FHL1: variants seen among roughly 807,000 people sequenced by gnomAD.
FHL1 encodes four and a half LIM domains 1, also known as four and a half LIM domains protein 1.
Under a neutral mutation model 20.3 loss-of-function variants are expected in FHL1, and 1 was observed. The observed-to-expected ratio is 0.05, with a 90% CI of 0.02 to 0.23. The LOEUF (loss-of-function observed/expected upper bound fraction) is 0.23, where lower values mean the gene tolerates loss of function less well. FHL1 is among the 10% of genes least tolerant of loss of function. The pLI is 1.00. For missense variants in FHL1, 177 were observed against 234.0 expected (o/e 0.76, Z 1.59); for synonymous variants, 82 against 88.9 (o/e 0.92, Z 0.44).
chrX:136,181,797 T>C (rs1238102994), intron 2 of FHL1, among the ~76,000 whole-genome samples: 1 of 112,374 alleles, frequency 8.9e-6, no homozygotes, highest in Non-Finnish European at 1.9e-5. Flanking sequence ...TTTATCCCCA[T>C]CATCAACAGG....
intron 2 of FHL1, among the ~76,000 whole-genome samples, chrX:136,186,019 A>G (rs187900132): frequency 3.2e-4 from 36 of 111,906 alleles, no homozygotes; most frequent in Admixed American, 2.6e-3. Flanking sequence ...GACAGCATGA[A>G]CATTTGAAAC....
upstream of FHL1, chrX:136,168,236 C>G (rs750158962): frequency 2.0e-4 from 22 of 111,833 alleles, 1 homozygote; most frequent in Admixed American, 1.9e-3. Flanking sequence ...GAGCTGTGCC[C>G]TGCTGCATTC....
At chrX:136,174,662 C>CT (rs1243420782) in intron 2 of FHL1, among the ~76,000 whole-genome samples, 1 of 111,922 alleles carries the variant, frequency 8.9e-6, no homozygotes, top group Non-Finnish European at 1.9e-5. Context: ...TCTGGATCTA[C>CT]TTTGAGTTGG....
At chrX:136,167,847 A>G (rs1464293118), upstream of FHL1, 1 of 111,743 alleles carries the variant, frequency 8.9e-6, no homozygotes, top group East Asian at 2.8e-4. Flanking sequence ...ATCTCTAGGA[A>G]ACATCAATTC....
At chrX:136,177,796 TA>T (rs1157699120) in intron 2 of FHL1, among the ~76,000 whole-genome samples, 1 of 112,228 alleles carries the variant, frequency 8.9e-6, no homozygotes, top group African/African-American at 3.2e-5. Flanking sequence ...TTGAACATCA[TA>T]AAAGTTCAGT....
At position 136,207,966 on chromosome X, in the gene FHL1, G is replaced by A. The variant is rs747714932; in HGVS notation, c.549+5G>A. 3.5e-5 allele frequency: 42 copies of A among 1,211,009 alleles called. No homozygotes were observed. The highest frequency in any genetic ancestry group is 4.7e-5 in the Non-Finnish European group (42 of 895,228). Reference sequence around the variant, plus strand: ...CATTGCGTGAAGTGCAACAAGGTATGCTTTCAAGGGAGTTCTGCATTGACC... The same window carrying A: ...CATTGCGTGAAGTGCAACAAGGTATACTTTCAAGGGAGTTCTGCATTGACC... On this transcript the variant is annotated splice_donor_5th_base_variant and intron_variant, in intron 4 of 5. Coordinates refer to ENST00000370683, the MANE Select transcript of FHL1 (RefSeq NM_001159699.2).
chrX:136,205,663 G>A lies in FHL1; in HGVS notation c.23-744G>A, dbSNP rs186390704. ...GGATTTAACACTTTTCTGCTAAATT[G>A]CAAGTAAATTTAAACATTTTAAACA... On this transcript the variant is annotated intron_variant, in intron 1 of 5. Coordinates refer to ENST00000370683, the MANE Select transcript of FHL1 (RefSeq NM_001159699.2). Among the ~76,000 whole-genome samples the A allele has an allele frequency of 2.7e-5, 3 of 112,346 alleles. No homozygotes were observed. The Admixed American group carries it at 2.8e-4, about 11-fold the overall frequency.
chrX:136,156,986 TACACACACACACACACAC>T (rs74780878), intron 1 of FHL1, among the ~76,000 whole-genome samples: 1 of 102,086 alleles, frequency 9.8e-6, no homozygotes, highest in African/African-American at 3.6e-5. Context: ...GACTAAGGAA[TACACACACACACACACAC>T]ACACACACAC....
At chrX:136,164,746 A>G (rs2072666964), upstream of FHL1, among the ~76,000 whole-genome samples, 1 of 111,579 alleles carries the variant, frequency 9.0e-6, no homozygotes, top group Non-Finnish European at 1.9e-5. Context: ...TTGAAAATCT[A>G]TGAAAGCAGA....
intron 5 of FHL1, among the ~76,000 whole-genome samples, chrX:136,208,964 G>A (rs2073928490): frequency 9.7e-6 from 1 of 103,158 alleles, no homozygotes; most frequent in Admixed American, 1.0e-4. Context: ...AAAGAAGGGG[G>A]TGGGGGAGGG....
At chrX:136,157,732 T>C (rs2148273647) in intron 1 of FHL1, among the ~76,000 whole-genome samples, 1 of 111,931 alleles carries the variant, frequency 8.9e-6, no homozygotes, top group South Asian at 3.7e-4. Context: ...AAAAAGACTA[T>C]ATTTATGTCC....
intron 2 of FHL1, among the ~76,000 whole-genome samples, chrX:136,173,940 C>T (rs1337525969): frequency 3.6e-5 from 4 of 111,260 alleles, no homozygotes; most frequent in East Asian, 2.8e-4. Flanking sequence ...CCTTGTGATC[C>T]GCCCACTTCG....
At chrX:136,197,673 T>G (rs1480276068) in intron 1 of FHL1, among the ~76,000 whole-genome samples, 1 of 112,914 alleles carries the variant, frequency 8.9e-6, no homozygotes, top group East Asian at 2.8e-4. Flanking sequence ...TGTTATTAAT[T>G]GTTTTTAGCA....
intron 2 of FHL1, among the ~76,000 whole-genome samples, chrX:136,191,236 G>A (rs5929739): frequency 3.6e-5 from 4 of 110,433 alleles, no homozygotes; most frequent in African/African-American, 6.6e-5. Context: ...GGGCCACCGC[G>A]CTCCTCTGTC....
intron 1 of FHL1, among the ~76,000 whole-genome samples, chrX:136,155,718 A>G (rs1282437420): frequency 9.0e-6 from 1 of 111,073 alleles, no homozygotes; most frequent in Non-Finnish European, 1.9e-5. Context: ...CTGTATTTAA[A>G]CCACAGATTT....
At chrX:136,196,817 G>A, upstream of FHL1, 1 of 1,166,668 alleles carries the variant, frequency 8.6e-7, no homozygotes, top group Non-Finnish European at 1.1e-6. Flanking sequence ...CTTTCTATGT[G>A]GCCTCTCTGG....
intron 2 of FHL1, among the ~76,000 whole-genome samples, chrX:136,172,978 C>A (rs887360199): frequency 2.2e-4 from 25 of 112,850 alleles, no homozygotes; most frequent in African/African-American, 7.4e-4. Context: ...AGTGATCCGC[C>A]TGCTTTGGCC....
At chrX:136,206,626 G>C in intron 2 of FHL1, 38 bp downstream of exon 2, 1 of 1,200,987 alleles carries the variant, frequency 8.3e-7, no homozygotes, top group Non-Finnish European at 1.1e-6. Context: ...GAAGGGCTGG[G>C]TTTTGGAGTG....
At position 136,210,045 on chromosome X, in the gene FHL1, C is replaced by G. The variant is rs758786635; in HGVS notation, c.*20C>G. 1 of 1,210,541 alleles carries G rather than the reference C, an allele frequency of 8.3e-7. No homozygotes were observed. Among genetic ancestry groups the G allele is most frequent in the Non-Finnish European group, 1.1e-6 (1 of 894,780 alleles). On this transcript the variant is annotated 3_prime_UTR_variant, in exon 6 of 6. Transcript: ENST00000370683. ...CTGTAAACTGACAGGGGCTCCTGTC[C>G]TGTAAAATGGCATTTGAATCTCGTT...
Sources: gnomAD v4.1 joint callset for allele counts (sites outside exome capture counted in the v4.1 genomes callset) on GRCh38, gnomAD v4.1.1 for gene constraint, MANE v1.5 for transcripts, NCBI Gene and HGNC (gene_info 2026-07-23, HGNC 2026-07-21) for gene names.